OSBPL6: variants seen among roughly 807,000 people sequenced by gnomAD.
OSBPL6 encodes the protein oxysterol binding protein like 6.
A neutral mutation model predicts 125.8 loss-of-function variants in OSBPL6; 49 were observed. The ratio of observed to expected loss-of-function variants is 0.39; its 90% CI spans 0.31 to 0.49. The LOEUF (loss-of-function observed/expected upper bound fraction) is 0.49. Ranked by LOEUF, OSBPL6 falls within the 20% of genes least tolerant of loss-of-function variation. The pLI is 0.88. For synonymous variants in OSBPL6, 394 were observed against 391.8 expected, an observed-to-expected ratio of 1.01 and a Z score of -0.07; for missense variants, 986 against 1,135.4, an observed-to-expected ratio of 0.87 and a Z score of 1.89.
chr2:178,215,207 G>A (rs1262823333), intron 1 of OSBPL6, among the ~76,000 whole-genome samples: 3 of 152,090 alleles, frequency 2.0e-5, no homozygotes, highest in African/African-American at 7.2e-5. Context: ...TATGAGCTAT[G>A]GAAGTAATGT....
chr2:178,261,843 G>A (rs763870463), intron 1 of OSBPL6, among the ~76,000 whole-genome samples: 1 of 152,176 alleles, frequency 6.6e-6, no homozygotes, highest in Non-Finnish European at 1.5e-5. Flanking sequence ...TTGGAAAAGG[G>A]ATTTTATCTC....
chr2:178,379,473 AAG>A (rs888868864), intron 15 of OSBPL6, among the ~76,000 whole-genome samples: 24 of 152,052 alleles, frequency 1.6e-4, no homozygotes, highest in African/African-American at 4.8e-4. Context: ...AGGAGAAAAA[AAG>A]AAACAGAAAA....
intron 1 of OSBPL6, among the ~76,000 whole-genome samples, chr2:178,278,452 A>C (rs2092515061): frequency 6.6e-6 from 1 of 152,208 alleles, no homozygotes; most frequent in Non-Finnish European, 1.5e-5. Context: ...GTTGTGGATT[A>C]ATCAATCAAT....
chr2:178,268,136 G>A (rs974377931), intron 1 of OSBPL6, among the ~76,000 whole-genome samples: 9 of 149,866 alleles, frequency 6.0e-5, no homozygotes, highest in African/African-American at 1.2e-4. Flanking sequence ...AGGCTAGAGT[G>A]CAATGATGTG....
rs1695887899 is a variant in OSBPL6, at chr2:178,397,023, C to T, written c.*1464C>T. The T allele has an allele frequency of 6.6e-6, 1 of 152,098 alleles. No individual in the cohort carries two copies. Among genetic ancestry groups the T allele is most frequent in the South Asian group, 2.1e-4 (1 of 4,828 alleles). The allele number at this position is 152,098 out of a possible 1,614,324, so 9.4% of individuals were successfully genotyped here. On this transcript the variant is annotated 3_prime_UTR_variant, in exon 25 of 25. Transcript: ENST00000190611. ...TTAGATGTTTATTCTTGGATTCTTA[C>T]CATTAGAATTTAAGTGTTATTTAAA...
At chr2:178,210,829 C>A (rs145794903) in intron 1 of OSBPL6, among the ~76,000 whole-genome samples, 12,781 of 148,222 alleles carry the variant, frequency 0.086, 619 homozygotes, top group African/African-American at 0.13. Context: ...AAAAAACACA[C>A]ACACACACAC....
rs1165205610 is a variant in OSBPL6, at chr2:178,400,939, T to A, written c.*5380T>A. 1.3e-5 allele frequency: 2 copies of A among 152,240 alleles called. No homozygotes were observed. Among genetic ancestry groups the A allele is most frequent in the African/African-American group, 4.8e-5 (2 of 41,458 alleles). 9.4% of individuals were successfully genotyped at this position (152,240 alleles called of 1,614,324 possible). On this transcript the variant is annotated 3_prime_UTR_variant, in exon 25 of 25. Coordinates refer to ENST00000190611, the MANE Select transcript of OSBPL6 (RefSeq NM_032523.4). ...TTGTAACAGAAAGAATCCCATTAAG[T>A]CCTAGTTCTGGTAGCCCGGTACAAA... is the stretch of plus-strand genomic sequence containing the variant.
rs191300220 is a variant in OSBPL6, at chr2:178,398,321, T to C, written c.*2762T>C. On this transcript the variant is annotated 3_prime_UTR_variant, in exon 25 of 25. Coordinates refer to ENST00000190611, the MANE Select transcript of OSBPL6 (RefSeq NM_032523.4). ...GGATCTAGGATAGAGGAGAACATAA[T>C]ATGCCTGTATACTTCTCCCATGGTT... is the stretch of plus-strand genomic sequence containing the variant. 1 of 152,322 alleles carries C rather than the reference T, an allele frequency of 6.6e-6. No individual in the cohort carries two copies. The highest frequency in any genetic ancestry group is 1.5e-5 in the Non-Finnish European group (1 of 68,026). The allele number at this position is 152,322 out of a possible 1,614,324, so 9.4% of individuals were successfully genotyped here.
At chr2:178,379,428 AAG>A (rs1389387833) in intron 15 of OSBPL6, among the ~76,000 whole-genome samples, 3 of 151,136 alleles carry the variant, frequency 2.0e-5, no homozygotes, top group Non-Finnish European at 4.4e-5. Context: ...AAAGAAAAGA[AAG>A]AGAAAGAAGA....
At chr2:178,387,917 T>A (rs760811886) in intron 20 of OSBPL6, among the ~76,000 whole-genome samples, 3 of 151,994 alleles carry the variant, frequency 2.0e-5, no homozygotes, top group Non-Finnish European at 4.4e-5. Flanking sequence ...GGCAGGAGAA[T>A]TGTTTGAACC....
At chr2:178,194,417 C>T (rs2088721107), upstream of OSBPL6, 1 of 151,900 alleles carries the variant, frequency 6.6e-6, no homozygotes, top group South Asian at 2.1e-4. Flanking sequence ...GCGGGGAACC[C>T]GGAGCGCCGC....
At chr2:178,353,411 T>C (rs1691473566) in intron 12 of OSBPL6, among the ~76,000 whole-genome samples, 1 of 152,158 alleles carries the variant, frequency 6.6e-6, no homozygotes, top group East Asian at 1.9e-4. Context: ...AATGACCTGA[T>C]GGAGCTGAAA....
intron 15 of OSBPL6, among the ~76,000 whole-genome samples, chr2:178,375,149 G>A (rs1693745632): frequency 6.6e-6 from 1 of 152,140 alleles, no homozygotes; most frequent in Admixed American, 6.5e-5. Context: ...AATCTGCATG[G>A]CAAGCCTAAT....
intron 1 of OSBPL6, among the ~76,000 whole-genome samples, chr2:178,279,686 G>T (rs898272885): frequency 2.0e-5 from 3 of 152,140 alleles, no homozygotes; most frequent in Non-Finnish European, 2.9e-5. Context: ...ACGCATGCAC[G>T]CCAATTTTGG....
intron 1 of OSBPL6, among the ~76,000 whole-genome samples, chr2:178,213,453 C>T (rs1203671616): frequency 1.3e-5 from 2 of 151,968 alleles, no homozygotes; most frequent in Non-Finnish European, 2.9e-5. Context: ...CAACACTAAA[C>T]TCCATGTCTT....
intron 2 of OSBPL6, among the ~76,000 whole-genome samples, chr2:178,295,772 T>C (rs1003471810): frequency 7.2e-5 from 11 of 151,838 alleles, no homozygotes; most frequent in Non-Finnish European, 5.9e-5. Flanking sequence ...ATAATAAAAA[T>C]AAAATTATTT....
Position 178,388,989 on chromosome 2 carries a change from A to T in OSBPL6, c.2157-20A>T. Reference sequence around the variant, plus strand: ...TTTGTGACCTTGGTTGTTTTTCATCAGTGTTACATTCTTCACTAGGTATGG... The same window carrying T: ...TTTGTGACCTTGGTTGTTTTTCATCTGTGTTACATTCTTCACTAGGTATGG... On this transcript the variant is annotated intron_variant, in intron 20 of 24. Coordinates refer to ENST00000190611, the MANE Select transcript of OSBPL6 (RefSeq NM_032523.4). 1.2e-6 allele frequency: 2 copies of T among 1,607,088 alleles called. No individual in the cohort carries two copies. Among genetic ancestry groups the T allele is most frequent in the Non-Finnish European group, 1.7e-6 (2 of 1,176,840 alleles).
intron 1 of OSBPL6, among the ~76,000 whole-genome samples, chr2:178,261,328 A>G (rs894680430): frequency 6.6e-6 from 1 of 151,726 alleles, no homozygotes; most frequent in African/African-American, 2.4e-5. Flanking sequence ...AGTTGTATAC[A>G]TTTGTAAAAC....
At chr2:178,327,572 C>A (rs1340794265) in intron 4 of OSBPL6, among the ~76,000 whole-genome samples, 1 of 152,094 alleles carries the variant, frequency 6.6e-6, no homozygotes, top group Non-Finnish European at 1.5e-5. Flanking sequence ...TTTATAAGAG[C>A]CTACTAGTTT....
Sources: gnomAD v4.1 joint callset for allele counts (sites outside exome capture counted in the v4.1 genomes callset) on GRCh38, gnomAD v4.1.1 for gene constraint, MANE v1.5 for transcripts, NCBI Gene and HGNC (gene_info 2026-07-23, HGNC 2026-07-21) for gene names.